Variants in GABBR2 observed in about 807,000 individuals in gnomAD.
GABBR2 encodes gamma-aminobutyric acid type B receptor subunit 2.
Under a neutral mutation model 105.6 loss-of-function variants are expected in GABBR2, and 23 were observed. The ratio of observed to expected loss-of-function variants is 0.22; its 90% CI spans 0.16 to 0.31. The LOEUF is 0.31. Ranked by LOEUF, GABBR2 falls within the 10% of genes least tolerant of loss-of-function variation. GABBR2 has a pLI of 1.00. For synonymous variants in GABBR2, 478 were observed against 499.7 expected (o/e 0.96, Z 0.58); for missense variants, 734 against 1,245.5 (o/e 0.59, Z 6.18).
At chr9:98,394,372 C>A in intron 8 of GABBR2, 117 bp from the exon 9 acceptor site, 2 of 704,622 alleles carry the variant, frequency 2.8e-6, no homozygotes, top group Non-Finnish European at 5.1e-6. Flanking sequence ...GCAGGCTTCC[C>A]TTTCTCCAAT....
At chr9:98,436,468 C>T (rs115456209) in intron 7 of GABBR2, among the ~76,000 whole-genome samples, 1,446 of 134,618 alleles carry the variant, frequency 0.011, 43 homozygotes, top group African/African-American at 0.039. Flanking sequence ...CTTTACAGTT[C>T]GTTGTGCACC....
chr9:98,364,382 C>T (rs1169769455), intron 12 of GABBR2, among the ~76,000 whole-genome samples: 1 of 152,176 alleles, frequency 6.6e-6, no homozygotes, highest in Admixed American at 6.5e-5. Flanking sequence ...CCAGCTATTC[C>T]TGACCCCTGG....
intron 4 of GABBR2, among the ~76,000 whole-genome samples, chr9:98,486,972 C>T (rs1827067605): frequency 6.6e-6 from 1 of 152,152 alleles, no homozygotes; most frequent in Non-Finnish European, 1.5e-5. Flanking sequence ...GAAGCATATG[C>T]TTCACTCTGT....
intron 7 of GABBR2, among the ~76,000 whole-genome samples, chr9:98,433,924 A>G (rs1825856557): frequency 1.3e-5 from 2 of 152,028 alleles, no homozygotes; most frequent in Non-Finnish European, 2.9e-5. Context: ...TTGAATGTCA[A>G]CTTGATTGGA....
At chr9:98,501,196 A>G (rs1457374944) in intron 3 of GABBR2, among the ~76,000 whole-genome samples, 2 of 126,016 alleles carry the variant, frequency 1.6e-5, no homozygotes, top group African/African-American at 6.1e-5. Context: ...ACAAAGTCTC[A>G]CTCTTTCACC....
At chr9:98,533,631 T>C (rs544674221) in intron 3 of GABBR2, among the ~76,000 whole-genome samples, 2 of 152,090 alleles carry the variant, frequency 1.3e-5, no homozygotes, top group East Asian at 3.9e-4. Context: ...TCTCATCTCA[T>C]CCCCCATCCA....
chr9:98,456,683 A>G (rs141228857), intron 6 of GABBR2, among the ~76,000 whole-genome samples: 6 of 152,328 alleles, frequency 3.9e-5, no homozygotes, highest in African/African-American at 1.4e-4. Flanking sequence ...CCCAAATACA[A>G]AAAGTTGTAA....
At chr9:98,677,234 C>T (rs1745051912) in intron 1 of GABBR2, among the ~76,000 whole-genome samples, 1 of 152,262 alleles carries the variant, frequency 6.6e-6, no homozygotes, top group Admixed American at 6.5e-5. Flanking sequence ...CACTTGCACG[C>T]CTCCAGACCC....
chr9:98,577,815 A>C, intron 2 of GABBR2, 120 bp downstream of exon 2: 2 of 930,304 alleles, frequency 2.1e-6, no homozygotes, highest in Non-Finnish European at 3.2e-6. Context: ...ACCCAGGAGA[A>C]AGTCCAGGAG....
At chr9:98,305,506 G>C (rs771841022) in intron 15 of GABBR2, among the ~76,000 whole-genome samples, 9 of 152,206 alleles carry the variant, frequency 5.9e-5, no homozygotes, top group Non-Finnish European at 1.3e-4. Flanking sequence ...CTATAGTTAT[G>C]GCCATATCTT....
At chr9:98,360,155 C>T (rs1040116302) in intron 13 of GABBR2, among the ~76,000 whole-genome samples, 1 of 152,148 alleles carries the variant, frequency 6.6e-6, no homozygotes, top group Admixed American at 6.5e-5. Context: ...TCATCTCTCC[C>T]CCAAGCCTAG....
chr9:98,595,887 C>T (rs1829227828), intron 1 of GABBR2, among the ~76,000 whole-genome samples: 1 of 152,132 alleles, frequency 6.6e-6, no homozygotes, highest in South Asian at 2.1e-4. Context: ...AGTCCTCTTT[C>T]CCCAGCCACA....
intron 1 of GABBR2, among the ~76,000 whole-genome samples, chr9:98,651,150 T>G (rs1299040289): frequency 4.0e-4 from 60 of 150,242 alleles, no homozygotes; most frequent in African/African-American, 1.1e-3. Context: ...TTTTTTTTTT[T>G]TTTTTTTTTT....
intron 1 of GABBR2, among the ~76,000 whole-genome samples, chr9:98,683,926 T>G (rs1394921057): frequency 7.0e-6 from 1 of 143,102 alleles, no homozygotes; most frequent in Non-Finnish European, 1.5e-5. Flanking sequence ...GAGAATGACA[T>G]GAACCCAGGA....
chr9:98,683,009 C>A (rs1830569362), intron 1 of GABBR2, among the ~76,000 whole-genome samples: 1 of 152,180 alleles, frequency 6.6e-6, no homozygotes, highest in Non-Finnish European at 1.5e-5. Context: ...CAGTGCAGGT[C>A]CTGCGGTGGG....
chr9:98,607,106 G>A lies in GABBR2; in HGVS notation c.322-29034C>T. 4 of 1,604,350 alleles carry A rather than the reference G, an allele frequency of 2.5e-6. No individual in the cohort carries two copies. In the South Asian group the frequency reaches 4.4e-5, roughly 18 times the overall value. On this transcript the variant is annotated intron_variant, in intron 1 of 18. Transcript: ENST00000259455. ...GTTTTGATTCACGCTATGGTAGTGG[G>A]TGGAACAATCCAAAGTTTTAATCAA...
intron 9 of GABBR2, among the ~76,000 whole-genome samples, chr9:98,390,375 CAAAA>C (rs61216428): frequency 1.4e-3 from 46 of 32,430 alleles, no homozygotes; most frequent in African/African-American, 2.2e-3. Context: ...CTCCATCTCA[CAAAA>C]AAAAAAAAAA....
intron 1 of GABBR2, among the ~76,000 whole-genome samples, chr9:98,682,444 C>T (rs1271130476): frequency 7.3e-6 from 1 of 136,592 alleles, no homozygotes; most frequent in East Asian, 2.2e-4. Flanking sequence ...GGCATGATCA[C>T]AGCTCACTGC....
chr9:98,467,661 C>T (rs1826588557), intron 6 of GABBR2, among the ~76,000 whole-genome samples: 1 of 152,206 alleles, frequency 6.6e-6, no homozygotes, highest in South Asian at 2.1e-4. Flanking sequence ...GGAAGGATCA[C>T]TAGATTTGCT....
Sources: allele counts gnomAD v4.1 joint callset (sites outside exome capture counted in the v4.1 genomes callset), GRCh38; gene constraint gnomAD v4.1.1; transcripts MANE v1.5; gene names NCBI Gene and HGNC (gene_info 2026-07-23, HGNC 2026-07-21).